The following EXOC6 variants were observed in gnomAD, a reference collection of about 807,000 sequenced individuals.
The protein encoded by EXOC6 is exocyst complex component 6, also known as SEC15-like 1.
A neutral mutation model predicts 112.5 loss-of-function variants in EXOC6; 60 were observed. The observed-to-expected ratio is 0.53, with a 90% CI of 0.43 to 0.66. The LOEUF (loss-of-function observed/expected upper bound fraction) is 0.66, where lower values mean the gene tolerates loss of function less well. Among genes scored for constraint, EXOC6 ranks in the 30% least tolerant of loss-of-function variants. EXOC6 has a pLI of 0.00. For synonymous variants in EXOC6, 295 were observed against 308.0 expected (o/e 0.96, Z 0.44); for missense variants, 855 against 957.1 (o/e 0.89, Z 1.41).
At chr10:92,964,493 C>T (rs1484608855) in intron 17 of EXOC6, among the ~76,000 whole-genome samples, 1 of 152,106 alleles carries the variant, frequency 6.6e-6, no homozygotes, top group Non-Finnish European at 1.5e-5. Flanking sequence ...AGGGAGGACA[C>T]CTTTATGGTG....
chr10:93,050,019 G>C (rs1312147016), intron 20 of EXOC6, among the ~76,000 whole-genome samples: 1 of 151,918 alleles, frequency 6.6e-6, no homozygotes. Flanking sequence ...TGAGTTAACT[G>C]TATGGTACAT....
intron 1 of EXOC6, among the ~76,000 whole-genome samples, chr10:92,839,180 T>C (rs934028948): frequency 2.0e-5 from 3 of 152,194 alleles, no homozygotes; most frequent in African/African-American, 4.8e-5. Context: ...CTGGGCATCA[T>C]TGTTTTCATT....
At chr10:92,840,860 G>A (rs1846822288) in intron 1 of EXOC6, among the ~76,000 whole-genome samples, 1 of 151,894 alleles carries the variant, frequency 6.6e-6, no homozygotes, top group East Asian at 1.9e-4. Context: ...GTTTCGCCAT[G>A]TTGTCCAGGC....
chr10:93,013,602 C>T (rs748666180), intron 19 of EXOC6, among the ~76,000 whole-genome samples: 36 of 151,680 alleles, frequency 2.4e-4, no homozygotes, highest in Non-Finnish European at 1.0e-4. Flanking sequence ...AATGAGACTC[C>T]GTCTCAAAAA....
chr10:92,848,634 G>A lies in EXOC6; in HGVS notation c.101G>A (p.Arg34Gln), dbSNP rs1376100801. Residue 34 changes from arginine to glutamine, a missense_variant and splice_region_variant, in exon 1 of 22, where the codon CGG becomes CAG. Physicochemically the swap from Arg to Gln is conservative, Grantham distance 43 (BLOSUM62 1). Around this residue, in one of 2 missense-constraint regions of EXOC6, gnomAD observed 405 missense variants for 393.6 expected, o/e 1.03. Coordinates refer to ENST00000260762, the MANE Select transcript of EXOC6 (RefSeq NM_019053.6). ...ACCGCCTGTGTGGGGCCCACCCTCC[G>A]GTAAAGATCTCATCCCACCGGGACT... ...TDTACVGPTL[R>Q]SVYDDQPNAH... 1.4e-6 allele frequency: 2 copies of A among 1,412,554 alleles called. No homozygotes were observed. The highest frequency in any genetic ancestry group is 2.2e-5 in the Admixed American group (1 of 45,190). 87.5% of individuals were successfully genotyped at this position (1,412,554 alleles called of 1,614,324 possible).
intron 18 of EXOC6, among the ~76,000 whole-genome samples, chr10:92,987,402 T>C (rs907760595): frequency 2.0e-5 from 3 of 152,214 alleles, no homozygotes; most frequent in African/African-American, 7.2e-5. Context: ...GTCTAATTAG[T>C]ATGGATGTAA....
At chr10:93,016,081 A>G (rs563931071) in intron 20 of EXOC6, among the ~76,000 whole-genome samples, 3 of 152,274 alleles carry the variant, frequency 2.0e-5, no homozygotes, top group African/African-American at 7.2e-5. Context: ...TCTTTAAATT[A>G]TCACTGGCTA....
At chr10:92,899,946 G>T (rs1012010345) in intron 5 of EXOC6, 24 of 255,720 alleles carry the variant, frequency 9.4e-5, no homozygotes, top group African/African-American at 5.4e-4. Context: ...GTAACTAAGG[G>T]CTAAGTGCAT....
In EXOC6 at chr10:92,894,944, A is replaced by G. The variant is rs745951131; in HGVS notation, c.336A>G (p.Thr112=). Residue 112 remains threonine, a synonymous_variant, in exon 4 of 22, where the codon ACA becomes ACG. Coordinates refer to ENST00000260762, the MANE Select transcript of EXOC6 (RefSeq NM_019053.6). ...TCTTTTCTAAGGTGATAGTCCACAC[A>G]GAAGATATCATTCGATGTAGAATTC... ...QDAGKEVIVH[T]EDIIRCRIQQ... The G allele has an allele frequency of 2.5e-6, 4 of 1,611,724 alleles. No homozygotes were observed. The highest frequency in any genetic ancestry group is 3.3e-5 in the Admixed American group (2 of 59,966).
At chr10:93,011,405 G>A (rs1321299233) in intron 19 of EXOC6, among the ~76,000 whole-genome samples, 1 of 151,984 alleles carries the variant, frequency 6.6e-6, no homozygotes, top group East Asian at 1.9e-4. Flanking sequence ...TACTACAGGT[G>A]CATGCCACCA....
At chr10:92,910,136 G>C (rs1255080389) in intron 6 of EXOC6, among the ~76,000 whole-genome samples, 1 of 152,134 alleles carries the variant, frequency 6.6e-6, no homozygotes, top group Non-Finnish European at 1.5e-5. Context: ...CCACTCCTAG[G>C]TGTTTATCAG....
intron 8 of EXOC6, among the ~76,000 whole-genome samples, chr10:92,924,864 C>T (rs1806691679): frequency 6.6e-6 from 1 of 152,122 alleles, no homozygotes; most frequent in South Asian, 2.1e-4. Flanking sequence ...TATACCACTC[C>T]ACATGCCTCT....
chr10:92,904,057 A>G (rs188553517), intron 5 of EXOC6, among the ~76,000 whole-genome samples: 3 of 152,192 alleles, frequency 2.0e-5, no homozygotes, highest in South Asian at 2.1e-4. Flanking sequence ...AATACAGTAT[A>G]TATATAATAT....
At chr10:92,904,323 G>A (rs1285997088) in intron 5 of EXOC6, among the ~76,000 whole-genome samples, 1 of 152,112 alleles carries the variant, frequency 6.6e-6, no homozygotes, top group Non-Finnish European at 1.5e-5. Flanking sequence ...ACCTGGGGAT[G>A]TGATTGCTGG....
chr10:93,039,800 C>G (rs1282616831), intron 20 of EXOC6, among the ~76,000 whole-genome samples: 1 of 152,152 alleles, frequency 6.6e-6, no homozygotes, highest in Non-Finnish European at 1.5e-5. Flanking sequence ...TCTATGCCAC[C>G]TGAAAACCCT....
At chr10:92,915,944 TTAGA>T in intron 7 of EXOC6, 31 bp downstream of exon 7, 1 of 1,441,164 alleles carries the variant, frequency 6.9e-7, no homozygotes, top group Non-Finnish European at 9.2e-7. Flanking sequence ...TTTTCTATTA[TTAGA>T]TAATTTTTTT....
intron 20 of EXOC6, among the ~76,000 whole-genome samples, chr10:93,024,194 T>C (rs1359847012): frequency 1.3e-5 from 2 of 152,174 alleles, no homozygotes; most frequent in Non-Finnish European, 2.9e-5. Flanking sequence ...TTAGAAAATA[T>C]GGAGAAGTTT....
At chr10:92,931,115 G>GAAAAA (rs60087746) in intron 9 of EXOC6, among the ~76,000 whole-genome samples, 40 of 70,570 alleles carry the variant, frequency 5.7e-4, no homozygotes, top group Admixed American at 7.1e-4. Context: ...CATCTCAGAA[G>GAAAAA]AAAAAAAAAA....
chr10:93,047,685 C>T (rs915245173), intron 20 of EXOC6, among the ~76,000 whole-genome samples: 1 of 152,104 alleles, frequency 6.6e-6, no homozygotes, highest in Admixed American at 6.6e-5. Flanking sequence ...CGGTGGCTCA[C>T]GCCTATAATC....
Sources: allele counts gnomAD v4.1 joint callset (sites outside exome capture counted in the v4.1 genomes callset), GRCh38; gene constraint gnomAD v4.1.1; regional missense constraint gnomAD v4.1.1; transcripts MANE v1.5; gene names NCBI Gene and HGNC (gene_info 2026-07-23, HGNC 2026-07-21).